CNKSR3: variants seen among roughly 807,000 people sequenced by gnomAD.
The protein encoded by CNKSR3 is connector enhancer of kinase suppressor of ras 3.
Under a neutral mutation model 67.7 loss-of-function variants are expected in CNKSR3, and 36 were observed. The ratio of observed to expected loss-of-function variants is 0.53; its 90% CI spans 0.41 to 0.70. The LOEUF (loss-of-function observed/expected upper bound fraction) is 0.70, where lower values mean the gene tolerates loss of function less well. CNKSR3 is among the 30% of genes least tolerant of loss of function. The pLI, the probability that CNKSR3 is intolerant of heterozygous loss-of-function variation, is 0.00. For missense variants in CNKSR3, 630 were observed against 695.2 expected, an observed-to-expected ratio of 0.91 and a Z score of 1.05; for synonymous variants, 281 against 271.4, an observed-to-expected ratio of 1.04 and a Z score of -0.35.
At position 154,394,133 on chromosome 6, in the gene CNKSR3, C is replaced by T. The variant is rs35100647; in HGVS notation, c.*12221G>A. On this transcript the variant is annotated 3_prime_UTR_variant, in exon 13 of 13. Transcript: ENST00000607772. ...TCCTGGGCTCCAGCGATTATCCCAC[C>T]TCAGCCTCCCAAATAGCTGGGACCA... 0.11 allele frequency: 16,251 copies of T among 152,230 alleles called. 1,169 individuals carry two copies. The highest frequency in any genetic ancestry group is 0.24 in the Admixed American group (3,676 of 15,276). 9.4% of individuals were successfully genotyped at this position (152,230 alleles called of 1,614,324 possible).
intron 4 of CNKSR3, among the ~76,000 whole-genome samples, chr6:154,437,020 T>C (rs143729418): frequency 8.6e-5 from 13 of 151,966 alleles, no homozygotes; most frequent in Non-Finnish European, 1.6e-4. Flanking sequence ...AGGAAGGATG[T>C]CACCACAAGA....
At chr6:154,496,347 A>G (rs1274862349) in intron 1 of CNKSR3, among the ~76,000 whole-genome samples, 1 of 142,304 alleles carries the variant, frequency 7.0e-6, no homozygotes, top group East Asian at 2.1e-4. Context: ...ACAACCCTGG[A>G]AAGACATGAA....
Position 154,450,310 on chromosome 6 carries a change from C to A in CNKSR3, c.53-52G>T, listed in dbSNP as rs759659835. The A allele has an allele frequency of 1.0e-5, 16 of 1,569,430 alleles. No individual in the cohort carries two copies. The African/African-American group carries it at 2.2e-4, about 21-fold the overall frequency. ...TATTGCCATTTTGTTCCTTTACCCA[C>A]CCCCTGCAAACTGCCCACATGTCAC... On this transcript the variant is annotated intron_variant, in intron 1 of 12. Transcript: ENST00000607772.
chr6:154,414,397 C>G lies in CNKSR3; in HGVS notation c.972G>C (p.Gln324His), dbSNP rs1336583963. 1 of 1,604,368 alleles carries G rather than the reference C, an allele frequency of 6.2e-7. No individual in the cohort carries two copies. The highest frequency in any genetic ancestry group is 8.5e-7 in the Non-Finnish European group (1 of 1,176,922). The change falls in exon 10 of 13, where the codon CAG becomes CAC. Residue 324 changes from glutamine to histidine, a missense_variant. By Grantham distance (24) the Gln-to-His change is conservative (BLOSUM62 0). Coordinates refer to ENST00000607772, the MANE Select transcript of CNKSR3 (RefSeq NM_173515.4). ...VQTSPPPATT[Q>H]SPESTMDTSL... ...AGGTATCCATAGTGCTTTCAGGGGA[C>G]TGGGTTGTCGCGGGTGGAGGTGAGG...
intron 3 of CNKSR3, 71 bp from the exon 4 acceptor site, chr6:154,441,450 A>AT: frequency 9.2e-7 from 1 of 1,087,200 alleles, no homozygotes; most frequent in Non-Finnish European, 1.4e-6. Context: ...GATGTTGGTA[A>AT]GCATAGCTAC....
intron 2 of CNKSR3, among the ~76,000 whole-genome samples, 154 bp downstream of exon 2, chr6:154,449,941 A>T (rs74871211): frequency 6.6e-5 from 10 of 152,032 alleles, no homozygotes; most frequent in Non-Finnish European, 1.0e-4. Flanking sequence ...AAAATAACTT[A>T]TTTTTCCCCT....
At chr6:154,480,075 A>G (rs918017596) in intron 1 of CNKSR3, among the ~76,000 whole-genome samples, 2 of 152,222 alleles carry the variant, frequency 1.3e-5, no homozygotes, top group African/African-American at 4.8e-5. Context: ...GGCTGTCAGG[A>G]ACGGAAAGTT....
chr6:154,399,016 T>A lies in CNKSR3; in HGVS notation c.*7338A>T, dbSNP rs1169477896. On this transcript the variant is annotated 3_prime_UTR_variant, in exon 13 of 13. Transcript: ENST00000607772. The stretch of plus-strand genomic sequence containing the variant: ...ATCACTTGAACCCAGTAGGCGGAAG[T>A]TGCGGTGAGCCAAGATCGTACCATT... 1 of 151,916 alleles carries A rather than the reference T, an allele frequency of 6.6e-6. No homozygotes were observed. The highest frequency in any genetic ancestry group is 2.4e-5 in the African/African-American group (1 of 41,292). 9.4% of individuals were successfully genotyped at this position (151,916 alleles called of 1,614,324 possible). A position where few individuals can be genotyped will look rare whatever the true frequency, so the allele number is the denominator to read the frequency against.
At chr6:154,494,747 C>T (rs1180985541) in intron 1 of CNKSR3, among the ~76,000 whole-genome samples, 1 of 152,208 alleles carries the variant, frequency 6.6e-6, no homozygotes, top group South Asian at 2.1e-4. Context: ...CCCTACACAC[C>T]CCCGTTCCTC....
chr6:154,441,147 C>T, intron 4 of CNKSR3, 145 bp downstream of exon 4: 1 of 541,474 alleles, frequency 1.8e-6, no homozygotes, highest in Non-Finnish European at 3.2e-6. Flanking sequence ...TAAAGCCTTT[C>T]ATCTCTTCCC....
chr6:154,420,589 T>C (rs1237086193), intron 9 of CNKSR3, among the ~76,000 whole-genome samples: 1 of 142,588 alleles, frequency 7.0e-6, no homozygotes. Context: ...CTTGGGAGGC[T>C]GAGGCAGGAG....
chr6:154,414,704 A>C, intron 9 of CNKSR3: 1 of 561,756 alleles, frequency 1.8e-6, no homozygotes, highest in Admixed American at 2.0e-5. Context: ...TCACTTAAAC[A>C]TCTGTGGCCT....
At position 154,414,580 on chromosome 6, in the gene CNKSR3, C is replaced by T. The variant is rs547817584; in HGVS notation, c.946-157G>A. 1.0e-5 allele frequency: 8 copies of T among 787,844 alleles called. No homozygotes were observed. The African/African-American group carries it at 1.2e-4, about 12-fold the overall frequency. 48.8% of individuals were successfully genotyped at this position (787,844 alleles called of 1,614,324 possible). ...ACAGATATTGGCAATATTTAACTTA[C>T]ATTCTTCTTTGAAACCTTAGAATGA... On this transcript the variant is annotated intron_variant, in intron 9 of 12. Transcript: ENST00000607772.
At chr6:154,420,017 G>T (rs1312981246) in intron 9 of CNKSR3, among the ~76,000 whole-genome samples, 2 of 152,108 alleles carry the variant, frequency 1.3e-5, no homozygotes, top group East Asian at 3.9e-4. Flanking sequence ...GGGAGGTGGA[G>T]GTTGCAGTGA....
At position 154,396,969 on chromosome 6, in the gene CNKSR3, T is replaced by C. The variant is rs569879150; in HGVS notation, c.*9385A>G. 1 of 149,934 alleles carries C rather than the reference T, an allele frequency of 6.7e-6. No homozygotes were observed. Among genetic ancestry groups the C allele is most frequent in the East Asian group, 2.0e-4 (1 of 5,096 alleles). 9.3% of individuals were successfully genotyped at this position (149,934 alleles called of 1,614,324 possible). On this transcript the variant is annotated 3_prime_UTR_variant, in exon 13 of 13. Transcript: ENST00000607772. ...CGCCCGCCACCACGCCCGGCTAATT[T>C]TTTTTTTTTTATATTTTTAGTAGAG...
intron 10 of CNKSR3, 62 bp from the exon 11 acceptor site, chr6:154,411,204 C>T: frequency 2.6e-6 from 3 of 1,155,850 alleles, no homozygotes; most frequent in Non-Finnish European, 3.8e-6. Context: ...CTGAAGAATT[C>T]CAGCAGTGCT....
In CNKSR3 at chr6:154,487,439, T is replaced by C. The variant is rs551640619; in HGVS notation, c.52+22624A>G. ...AAAGATGAGCTAGTTGACTAAACAA[T>C]GTACATAAATTGGCCAACGTCAGGC... On this transcript the variant is annotated intron_variant, in intron 1 of 12. Transcript: ENST00000607772. Among the ~76,000 whole-genome samples the C allele has an allele frequency of 3.3e-5, 5 of 152,254 alleles. No homozygotes were observed. The South Asian group carries it at 6.2e-4, about 19-fold the overall frequency.
chr6:154,459,023 T>A (rs1408889209), intron 1 of CNKSR3, among the ~76,000 whole-genome samples: 1 of 134,222 alleles, frequency 7.5e-6, no homozygotes, highest in African/African-American at 2.8e-5. Flanking sequence ...GAAACTTAAG[T>A]CCTAAATATC....
At chr6:154,463,680 T>C (rs1041030149) in intron 1 of CNKSR3, among the ~76,000 whole-genome samples, 2 of 152,204 alleles carry the variant, frequency 1.3e-5, no homozygotes, top group Non-Finnish European at 2.9e-5. Context: ...CCTATGCTGC[T>C]TGATATGAAT....
Sources: allele counts gnomAD v4.1 joint callset (sites outside exome capture counted in the v4.1 genomes callset), GRCh38; gene constraint gnomAD v4.1.1; transcripts MANE v1.5; gene names NCBI Gene and HGNC (gene_info 2026-07-23, HGNC 2026-07-21).